ODAD2: variants seen among roughly 807,000 people sequenced by gnomAD.
The protein encoded by ODAD2 is outer dynein arm-docking complex subunit 2.
In ODAD2, 89 loss-of-function variants were observed where a neutral mutation model predicts 106.8. The observed-to-expected ratio is 0.83, with a 90% CI of 0.70 to 0.99. ODAD2 has a LOEUF of 0.99. ODAD2 is among the 50% of genes least tolerant of loss of function. ODAD2 has a pLI of 0.00. For synonymous variants in ODAD2, 404 were observed against 436.2 expected, an observed-to-expected ratio of 0.93 and a Z score of 0.92; for missense variants, 1,168 against 1,238.5, an observed-to-expected ratio of 0.94 and a Z score of 0.85.
chr10:27,988,993 C>T (rs1367644824), intron 2 of ODAD2, among the ~76,000 whole-genome samples: 2 of 152,048 alleles, frequency 1.3e-5, no homozygotes, highest in African/African-American at 2.4e-5. Flanking sequence ...ATGGAAGCAG[C>T]GGTCAGAGTG....
At chr10:27,924,988 GAA>G (rs34887332) in intron 16 of ODAD2, among the ~76,000 whole-genome samples, 2 of 127,898 alleles carry the variant, frequency 1.6e-5, no homozygotes, top group African/African-American at 3.0e-5. Context: ...TATTTAAAAT[GAA>G]AAAAAAAAAA....
chr10:27,983,675 T>C (rs1318065040), intron 6 of ODAD2, among the ~76,000 whole-genome samples, 168 bp downstream of exon 6: 2 of 152,192 alleles, frequency 1.3e-5, no homozygotes, highest in African/African-American at 4.8e-5. Context: ...AGAGAGCTAA[T>C]TCTGAAGCTA....
rs1042669903 is a variant in ODAD2 at position 27,865,512 on chromosome 10, T to A, written c.2611-2890A>T. ...CCTTTCCTGAACCTCAAGTCTGGGT[T>A]AAGTGGCATCTTCCATAATACCTGG... On this transcript the variant is annotated intron_variant, in intron 17 of 19. Coordinates refer to ENST00000305242, the MANE Select transcript of ODAD2 (RefSeq NM_018076.5). Among the ~76,000 whole-genome samples, 6 of 152,184 alleles carry A rather than the reference T, an allele frequency of 3.9e-5. No individual in the cohort carries two copies. In the East Asian group the frequency reaches 1.2e-3, roughly 29 times the overall value.
In ODAD2 at chr10:27,998,512, T is replaced by G. The variant is rs1473951869; in HGVS notation, c.-39+482A>C. Among the ~76,000 whole-genome samples, 8 of 148,646 alleles carry G rather than the reference T, an allele frequency of 5.4e-5. No homozygotes were observed. In the East Asian group the frequency reaches 1.2e-3, roughly 22 times the overall value. On this transcript the variant is annotated intron_variant, in intron 1 of 19. Transcript: ENST00000305242. ...AGAGGCAGGGAAGCGGCGGGAGAAG[T>G]GGAGAGCGGATCCGGGAGGTGATGG...
In ODAD2 at chr10:27,907,743, A is replaced by T; in HGVS notation, c.2530T>A (p.Trp844Arg). 2 of 1,613,884 alleles carry T rather than the reference A, an allele frequency of 1.2e-6. No individual in the cohort carries two copies. The highest frequency in any genetic ancestry group is 1.7e-6 in the Non-Finnish European group (2 of 1,179,854). ...IDRLDGVRLL[W>R]SLLKNPHPDV... ...GGGTGAGGATTTTTCAGCAGGGACC[A>T]CAACAAACGAACTCCATCTAAGCGA... The change falls in exon 17 of 20, where the codon TGG becomes AGG. Residue 844 changes from tryptophan (W) to arginine (R), a missense_variant. By Grantham distance (101) the Trp-to-Arg change is moderately radical. Transcript: ENST00000305242.
At chr10:27,826,733 C>T (rs1485738622) in intron 19 of ODAD2, among the ~76,000 whole-genome samples, 2 of 152,184 alleles carry the variant, frequency 1.3e-5, no homozygotes, top group East Asian at 3.9e-4. Context: ...CGCCATTAAC[C>T]CCCCTCTTTC....
rs145511691 is a variant in ODAD2, at chr10:27,903,680, G to A, written c.2610+3983C>T. 3.7e-3 allele frequency among the ~76,000 whole-genome samples: 560 copies of A among 152,268 alleles called. 3 individuals carry two copies. The highest frequency in any genetic ancestry group is 0.013 in the African/African-American group (537 of 41,546). ...ATAGACAAAGAGAGAGCCAAATCAT[G>A]AGTGAACTCTCATTCACAATTGCTA... On this transcript the variant is annotated intron_variant, in intron 17 of 19. Coordinates refer to ENST00000305242, the MANE Select transcript of ODAD2 (RefSeq NM_018076.5).
chr10:27,946,221 T>C (rs889722514), intron 10 of ODAD2, among the ~76,000 whole-genome samples: 1 of 148,386 alleles, frequency 6.7e-6, no homozygotes, highest in Non-Finnish European at 1.5e-5. Flanking sequence ...ATATAAAAAA[T>C]ACCAATATAA....
upstream of ODAD2, among the ~76,000 whole-genome samples, chr10:27,999,421 G>T (rs572804057): frequency 3.3e-5 from 5 of 152,044 alleles, no homozygotes; most frequent in Middle Eastern, 6.8e-3. Context: ...CTTCTCCTAG[G>T]ATATTTGAGG....
intron 14 of ODAD2, 22 bp from the exon 15 acceptor site, chr10:27,936,902 G>T (rs923074261): frequency 1.3e-6 from 2 of 1,576,974 alleles, no homozygotes; most frequent in African/African-American, 2.7e-5. Flanking sequence ...GTCAGACAGA[G>T]GCTGTCAGTC....
intron 17 of ODAD2, among the ~76,000 whole-genome samples, chr10:27,875,963 G>A (rs1283233335): frequency 1.3e-5 from 2 of 152,184 alleles, no homozygotes; most frequent in Non-Finnish European, 2.9e-5. Context: ...ACAGCAATCT[G>A]AGATTGAATT....
At chr10:27,947,861 C>A (rs902060165) in intron 10 of ODAD2, among the ~76,000 whole-genome samples, 2 of 152,190 alleles carry the variant, frequency 1.3e-5, no homozygotes, top group Non-Finnish European at 2.9e-5. Context: ...CTTAATCGCT[C>A]GTGCTGAGGA....
rs1401694866 is a variant in ODAD2 at position 27,812,720 on chromosome 10, A to T, written c.3022-95T>A. The T allele has an allele frequency of 5.6e-6, 8 of 1,426,706 alleles. No individual in the cohort carries two copies. In the South Asian group the frequency reaches 6.5e-5, roughly 12 times the overall value. 88.4% of individuals were successfully genotyped at this position (1,426,706 alleles called of 1,614,324 possible). A position where few individuals can be genotyped will look rare whatever the true frequency, so the allele number is the denominator to read the frequency against. On this transcript the variant is annotated intron_variant, in intron 19 of 19. Coordinates refer to ENST00000305242, the MANE Select transcript of ODAD2 (RefSeq NM_018076.5). The stretch of plus-strand genomic sequence containing the variant: ...CTAGGAAAATAATTTTCAATAGTAA[A>T]TTTTTTTAAAACCACCAAAAAAGCA...
At chr10:27,878,445 G>A (rs554375151) in intron 17 of ODAD2, among the ~76,000 whole-genome samples, 8 of 152,158 alleles carry the variant, frequency 5.3e-5, no homozygotes, top group South Asian at 4.2e-4. Flanking sequence ...TGCCTCCAGC[G>A]AAAAGCACTG....
chr10:27,980,467 A>G (rs775571319), intron 7 of ODAD2, among the ~76,000 whole-genome samples: 12 of 152,176 alleles, frequency 7.9e-5, no homozygotes, highest in Non-Finnish European at 1.8e-4. Flanking sequence ...GGTATATACA[A>G]AAACTACAAC....
intron 7 of ODAD2, among the ~76,000 whole-genome samples, chr10:27,979,778 G>A (rs975181254): frequency 6.6e-6 from 1 of 152,076 alleles, no homozygotes; most frequent in African/African-American, 2.4e-5. Flanking sequence ...TGGTTAAGAT[G>A]GCAATACTAT....
intron 17 of ODAD2, among the ~76,000 whole-genome samples, chr10:27,877,558 A>G (rs1841426145): frequency 6.6e-6 from 1 of 152,144 alleles, no homozygotes; most frequent in Non-Finnish European, 1.5e-5. Flanking sequence ...AAAGATTTTA[A>G]ACATATGACG....
intron 17 of ODAD2, among the ~76,000 whole-genome samples, chr10:27,907,264 T>C (rs980716828): frequency 1.3e-5 from 2 of 152,292 alleles, no homozygotes; most frequent in African/African-American, 4.8e-5. Context: ...CGTAGTGCTC[T>C]CTCACTGCAG....
At chr10:27,854,257 G>T (rs1839497910) in intron 19 of ODAD2, among the ~76,000 whole-genome samples, 1 of 152,126 alleles carries the variant, frequency 6.6e-6, no homozygotes, top group Admixed American at 6.5e-5. Flanking sequence ...TATACAGCTG[G>T]TGGGAATGCA....
Sources: allele counts gnomAD v4.1 joint callset (sites outside exome capture counted in the v4.1 genomes callset), GRCh38; gene constraint gnomAD v4.1.1; transcripts MANE v1.5; gene names NCBI Gene and HGNC (gene_info 2026-07-23, HGNC 2026-07-21).